GDAP2: variants seen among roughly 807,000 people sequenced by gnomAD.
GDAP2 encodes the protein ganglioside induced differentiation associated protein 2.
GDAP2 carries 51 observed loss-of-function variants against 67.0 expected under a neutral mutation model. The observed-to-expected ratio is 0.76, with a 90% CI of 0.61 to 0.96. The LOEUF (loss-of-function observed/expected upper bound fraction) is 0.96, where lower values mean the gene tolerates loss of function less well. Among genes scored for constraint, GDAP2 ranks in the 40% least tolerant of loss-of-function variants. The pLI, the probability that GDAP2 is intolerant of heterozygous loss-of-function variation, is 0.00. For missense variants in GDAP2, 547 were observed against 588.3 expected (o/e 0.93, Z 0.73); for synonymous variants, 203 against 207.3 (o/e 0.98, Z 0.18).
chr1:117,895,395 TA>T (rs200755275), intron 8 of GDAP2, among the ~76,000 whole-genome samples: 11 of 150,892 alleles, frequency 7.3e-5, no homozygotes, highest in East Asian at 3.9e-4. Context: ...TTTGCAAGAT[TA>T]AAAAAAAACA....
At chr1:117,920,506 A>C in intron 1 of GDAP2, 82 bp from the exon 2 acceptor site, 1 of 522,444 alleles carries the variant, frequency 1.9e-6, no homozygotes, top group Non-Finnish European at 3.4e-6. Flanking sequence ...ACAAAATTCC[A>C]CTGTGAAATA....
Position 117,869,771 on chromosome 1 carries a change from A to T in GDAP2, c.*798T>A, listed in dbSNP as rs1648191613. The T allele has an allele frequency of 1.3e-5, 2 of 152,496 alleles. No homozygotes were observed. The highest frequency in any genetic ancestry group is 4.8e-5 in the African/African-American group (2 of 41,398). The allele number at this position is 152,496 out of a possible 1,614,324, so 9.4% of individuals were successfully genotyped here. A position where few individuals can be genotyped will look rare whatever the true frequency, so the allele number is the denominator to read the frequency against. On this transcript the variant is annotated 3_prime_UTR_variant, in exon 14 of 14. Coordinates refer to ENST00000369443, the MANE Select transcript of GDAP2 (RefSeq NM_017686.4). ...CATTCATGACTCTGGAAGACAACAC[A>T]CTCTCTAAATGCTCACTGCTGGAGT...
rs1650230418 is a variant in GDAP2 at position 117,920,972 on chromosome 1, T to A, written c.-67-548A>T. 3.3e-5 allele frequency among the ~76,000 whole-genome samples: 5 copies of A among 152,112 alleles called. No homozygotes were observed. In the South Asian group the frequency reaches 1.0e-3, roughly 31 times the overall value. On this transcript the variant is annotated intron_variant, in intron 1 of 13. Transcript: ENST00000369443. ...AGGAAGGATGAACAGGAGTTGACAA[T>A]TTACAGGATATGGTGTGTGAGACAG... is the stretch of plus-strand genomic sequence containing the variant.
At chr1:117,876,894 T>G (rs180870814) in intron 13 of GDAP2, among the ~76,000 whole-genome samples, 1 of 152,216 alleles carries the variant, frequency 6.6e-6, no homozygotes, top group African/African-American at 2.4e-5. Flanking sequence ...CTTCAAAATT[T>G]TGAGTGTAAA....
intron 1 of GDAP2, among the ~76,000 whole-genome samples, chr1:117,925,252 A>G (rs1650405678): frequency 6.6e-6 from 1 of 152,164 alleles, no homozygotes; most frequent in South Asian, 2.1e-4. Context: ...CAGGAGTTCA[A>G]GACCAGCTTG....
intron 12 of GDAP2, among the ~76,000 whole-genome samples, chr1:117,880,034 A>T (rs1648597879): frequency 6.6e-6 from 1 of 152,124 alleles, no homozygotes; most frequent in South Asian, 2.1e-4. Flanking sequence ...AAATAAAAAA[A>T]ATTAGCCAGA....
chr1:117,878,086 T>C lies in GDAP2; in HGVS notation c.1369A>G (p.Ser457Gly), dbSNP rs1330516531. ...ATGGCAGAAAACAGCTGGTGGAGGCTGTCCACATGGTGGATTTTGTCCTTC... is the reference window on the plus strand; with the variant it reads ...ATGGCAGAAAACAGCTGGTGGAGGCCGTCCACATGGTGGATTTTGTCCTTC... ...GLKDKIHHVD[S>G]LHQLFSAISP... The change falls in exon 13 of 14, where the codon AGC becomes GGC. Residue 457 changes from serine to glycine, a missense_variant. Transcript: ENST00000369443. 6.2e-7 allele frequency: 1 copy of C among 1,612,966 alleles called. No homozygotes were observed.
At position 117,866,527 on chromosome 1, in the gene GDAP2, G is replaced by A. The variant is rs1411534661; in HGVS notation, c.*4042C>T. Reference sequence around the variant, plus strand: ...GCACAGTTAAAACACTCTAGCGCACGTTAATTATGATGATTACAACTTAAG... The same window carrying A: ...GCACAGTTAAAACACTCTAGCGCACATTAATTATGATGATTACAACTTAAG... On this transcript the variant is annotated 3_prime_UTR_variant, in exon 14 of 14. Transcript: ENST00000369443. 1.3e-5 allele frequency: 2 copies of A among 152,108 alleles called. No homozygotes were observed. The highest frequency in any genetic ancestry group is 4.8e-5 in the African/African-American group (2 of 41,406). 9.4% of individuals were successfully genotyped at this position (152,108 alleles called of 1,614,324 possible).
Position 117,906,859 on chromosome 1 carries a change from C to A in GDAP2, c.560-277G>T, listed in dbSNP as rs1649676483. ...CGCCTCATTCACTAGAATGAAAGCT[C>A]CATAAAGAAGATGCTTTATTGTATT... On this transcript the variant is annotated intron_variant, in intron 5 of 13. Coordinates refer to ENST00000369443, the MANE Select transcript of GDAP2 (RefSeq NM_017686.4). Among the ~76,000 whole-genome samples, 3 of 152,266 alleles carry A rather than the reference C, an allele frequency of 2.0e-5. No individual in the cohort carries two copies. The South Asian group carries it at 6.2e-4, about 32-fold the overall frequency.
Position 117,864,629 on chromosome 1 carries a change from G to A in GDAP2, c.*5940C>T, listed in dbSNP as rs1345056327. The A allele has an allele frequency of 6.6e-6, 1 of 151,932 alleles. No homozygotes were observed. The highest frequency in any genetic ancestry group is 1.5e-5 in the Non-Finnish European group (1 of 67,978). 9.4% of individuals were successfully genotyped at this position (151,932 alleles called of 1,614,324 possible). A position where few individuals can be genotyped will look rare whatever the true frequency, so the allele number is the denominator to read the frequency against. ...AAACTTGTTTTGGTTTTATACTTGT[G>A]CAAGACATATAAACATAAAGCATTT... On this transcript the variant is annotated 3_prime_UTR_variant, in exon 14 of 14. Coordinates refer to ENST00000369443, the MANE Select transcript of GDAP2 (RefSeq NM_017686.4).
chr1:117,891,884 G>A (rs922352492), intron 8 of GDAP2, among the ~76,000 whole-genome samples: 5 of 152,052 alleles, frequency 3.3e-5, no homozygotes, highest in Admixed American at 3.3e-4. Flanking sequence ...TCTATCTAAA[G>A]TTGATTTGTC....
intron 7 of GDAP2, among the ~76,000 whole-genome samples, chr1:117,897,935 C>T (rs1244594263): frequency 6.6e-6 from 1 of 152,138 alleles, no homozygotes; most frequent in African/African-American, 2.4e-5. Flanking sequence ...AAGAACACTA[C>T]GGCCTATATC....
intron 6 of GDAP2, among the ~76,000 whole-genome samples, chr1:117,899,913 AC>A (rs941305348): frequency 6.6e-6 from 1 of 152,200 alleles, no homozygotes; most frequent in African/African-American, 2.4e-5. Flanking sequence ...TAAAATAGTA[AC>A]AAAAAAATTA....
chr1:117,882,615 T>C (rs1570968054), intron 11 of GDAP2, among the ~76,000 whole-genome samples: 1 of 152,274 alleles, frequency 6.6e-6, no homozygotes, highest in African/African-American at 2.4e-5. Context: ...TATTTCACAG[T>C]TGAGGCCTGT....
chr1:117,907,881 T>A (rs1008578267), intron 5 of GDAP2, among the ~76,000 whole-genome samples: 3 of 152,156 alleles, frequency 2.0e-5, no homozygotes, highest in African/African-American at 7.2e-5. Context: ...TACTTACAGG[T>A]TAAGATTCAA....
chr1:117,874,925 T>C (rs1370960498), intron 13 of GDAP2, among the ~76,000 whole-genome samples: 1 of 152,214 alleles, frequency 6.6e-6, no homozygotes, highest in Admixed American at 6.5e-5. Flanking sequence ...CCCTACGGTA[T>C]CTGCTGGAGG....
At position 117,897,863 on chromosome 1, in the gene GDAP2, C is replaced by T. The variant is rs1175854350; in HGVS notation, c.797-874G>A. ...AAGGGCCTGCTTTCATTAAAAACAC[C>T]CCTCAAGTAAAGCTTGGTTATATAT... On this transcript the variant is annotated intron_variant, in intron 7 of 13. Coordinates refer to ENST00000369443, the MANE Select transcript of GDAP2 (RefSeq NM_017686.4). 8.5e-5 allele frequency among the ~76,000 whole-genome samples: 13 copies of T among 152,244 alleles called. 1 individual carries two copies. The East Asian group carries it at 1.5e-3, about 18-fold the overall frequency.
chr1:117,912,731 G>A, intron 3 of GDAP2, 48 bp from the exon 4 acceptor site: 1 of 1,510,716 alleles, frequency 6.6e-7, no homozygotes, highest in African/African-American at 1.4e-5. Context: ...TAGGAAAACA[G>A]AAACAAAAAC....
At chr1:117,911,689 C>T (rs924263444) in intron 5 of GDAP2, among the ~76,000 whole-genome samples, 2 of 151,902 alleles carry the variant, frequency 1.3e-5, no homozygotes, top group African/African-American at 4.8e-5. Context: ...CCAATAAAAA[C>T]TTCCCTCCAG....
Sources: gnomAD v4.1 joint callset for allele counts (sites outside exome capture counted in the v4.1 genomes callset) on GRCh38, gnomAD v4.1.1 for gene constraint, MANE v1.5 for transcripts, NCBI Gene and HGNC (gene_info 2026-07-23, HGNC 2026-07-21) for gene names.